The following GBE1 variants were observed in gnomAD, a reference collection of about 807,000 sequenced individuals.
GBE1 encodes 1,4-alpha-glucan branching enzyme 1.
GBE1 carries 70 observed loss-of-function variants against 88.8 expected under a neutral mutation model. The ratio of observed to expected loss-of-function variants is 0.79; its 90% confidence interval spans 0.65 to 0.96. The LOEUF (loss-of-function observed/expected upper bound fraction) is 0.96, where lower values mean the gene tolerates loss of function less well. Ranked by LOEUF, GBE1 falls within the 40% of genes least tolerant of loss-of-function variation. GBE1 has a pLI of 0.00. For synonymous variants in GBE1, 284 were observed against 300.1 expected, an observed-to-expected ratio of 0.95 and a Z score of 0.56; for missense variants, 872 against 871.0, an observed-to-expected ratio of 1.00 and a Z score of -0.01.
chr3:81,520,705 C>A lies in GBE1; in HGVS notation c.1934+14490G>T, dbSNP rs377006534. Among the ~76,000 whole-genome samples the A allele has an allele frequency of 5.3e-5, 8 of 151,442 alleles. No homozygotes were observed. In the East Asian group the frequency reaches 9.7e-4, roughly 18 times the overall value. ...TTCTAAGCATGAAATATGAAACCTG[C>A]CTATTTATTAAGTACATGTAGGTCT... On this transcript the variant is annotated intron_variant, in intron 14 of 15. Transcript: ENST00000429644.
At chr3:81,751,687 T>A (rs1212917216) in intron 1 of GBE1, among the ~76,000 whole-genome samples, 2 of 152,210 alleles carry the variant, frequency 1.3e-5, no homozygotes, top group Non-Finnish European at 2.9e-5. Context: ...CCCAAACCAC[T>A]GACCTTCGCT....
chr3:81,734,975 T>G (rs898047231), intron 1 of GBE1, among the ~76,000 whole-genome samples: 1 of 152,200 alleles, frequency 6.6e-6, no homozygotes, highest in Non-Finnish European at 1.5e-5. Context: ...TCACCTGGGA[T>G]CTGAATCATC....
intron 12 of GBE1, among the ~76,000 whole-genome samples, chr3:81,573,142 A>C (rs1273569025): frequency 1.3e-5 from 2 of 152,236 alleles, no homozygotes; most frequent in Non-Finnish European, 2.9e-5. Context: ...GTTCTAACTG[A>C]AGAGTTAACA....
At chr3:81,527,915 C>T (rs1280189258) in intron 14 of GBE1, among the ~76,000 whole-genome samples, 1 of 151,962 alleles carries the variant, frequency 6.6e-6, no homozygotes, top group Non-Finnish European at 1.5e-5. Context: ...GACACATGCA[C>T]ACGTATGTTT....
Position 81,499,220 on chromosome 3 carries a change from T to C in GBE1, c.1942A>G (p.Ile648Val), listed in dbSNP as rs768079971. ...TCCGCTGCATCTGAATCTAGCACAATTTTGAATGTACAGCTCTTAAGGAAT... is the reference window on the plus strand; with the variant it reads ...TCCGCTGCATCTGAATCTAGCACAACTTTGAATGTACAGCTCTTAAGGAAT... ...VGTALPGKFK[I>V]VLDSDAAEYG... Residue 648 changes from isoleucine (I) to valine (V), a missense_variant, in exon 15 of 16, where the codon ATT becomes GTT. Transcript: ENST00000429644. The C allele has an allele frequency of 6.3e-7, 1 of 1,589,904 alleles. No individual in the cohort carries two copies. The highest frequency in any genetic ancestry group is 8.6e-7 in the Non-Finnish European group (1 of 1,159,972).
intron 14 of GBE1, among the ~76,000 whole-genome samples, chr3:81,501,363 C>A (rs1215334786): frequency 6.6e-6 from 1 of 152,148 alleles, no homozygotes; most frequent in Non-Finnish European, 1.5e-5. Context: ...ATTCCCGGCA[C>A]AGGAAAGACA....
rs150091165 is a variant in GBE1 at position 81,662,893 on chromosome 3, G to T, written c.429+7945C>A. On this transcript the variant is annotated intron_variant, in intron 3 of 15. Coordinates refer to ENST00000429644, the MANE Select transcript of GBE1 (RefSeq NM_000158.4). ...CTCTCTTGCAGCTAGATTTCAACAT[G>T]GTTAATGAACTCATATAAGAAACGG... 1.1e-3 allele frequency among the ~76,000 whole-genome samples: 164 copies of T among 152,204 alleles called. 1 individual carries two copies. The highest frequency in any genetic ancestry group is 2.0e-3 in the Non-Finnish European group (136 of 68,014).
rs111424828 is a variant in GBE1 at position 81,495,464 on chromosome 3, AT to A, written c.2052+3645del. On this transcript the variant is annotated intron_variant, in intron 15 of 15. Transcript: ENST00000429644. ...TAGTCTACATAAACACTTTTTTATAATAAAAATCACAGTTTTTTGAAAAATA... is the reference window on the plus strand; with the variant it reads ...TAGTCTACATAAACACTTTTTTATAAAAAAATCACAGTTTTTTGAAAAATA... 6.0e-3 allele frequency among the ~76,000 whole-genome samples: 907 copies of A among 152,296 alleles called. 10 individuals are homozygous for A. The highest frequency in any genetic ancestry group is 0.02 in the African/African-American group (851 of 41,564).
Position 81,516,502 on chromosome 3 carries a change from G to T in GBE1, c.1935-17275C>A, listed in dbSNP as rs1702800709. Among the ~76,000 whole-genome samples, 3 of 151,614 alleles carry T rather than the reference G, an allele frequency of 2.0e-5. No homozygotes were observed. The South Asian group carries it at 6.2e-4, about 31-fold the overall frequency. On this transcript the variant is annotated intron_variant, in intron 14 of 15. Transcript: ENST00000429644. ...TGAGATGTACAAGGAAATTAATGTT[G>T]TTTTCAAGCCATCTAATACAACATG...
intron 11 of GBE1, among the ~76,000 whole-genome samples, chr3:81,580,206 G>C (rs1219767125): frequency 6.6e-6 from 1 of 152,086 alleles, no homozygotes; most frequent in Non-Finnish European, 1.5e-5. Context: ...ATGTTGATGT[G>C]TATGAGGATT....
At chr3:81,716,346 T>C (rs1705936887) in intron 1 of GBE1, among the ~76,000 whole-genome samples, 1 of 152,166 alleles carries the variant, frequency 6.6e-6, no homozygotes, top group South Asian at 2.1e-4. Context: ...TATTATCTTT[T>C]AAAAGTTGCT....
intron 3 of GBE1, among the ~76,000 whole-genome samples, chr3:81,660,161 T>A (rs1202341304): frequency 6.6e-6 from 1 of 152,208 alleles, no homozygotes; most frequent in African/African-American, 2.4e-5. Context: ...TGCATTTGGA[T>A]AATTTCTTGT....
At chr3:81,619,515 T>A (rs1333956584) in intron 7 of GBE1, among the ~76,000 whole-genome samples, 1 of 152,162 alleles carries the variant, frequency 6.6e-6, no homozygotes, top group African/African-American at 2.4e-5. Flanking sequence ...CACATTTGCA[T>A]TTTAATATAA....
At chr3:81,507,404 A>G (rs1702668966) in intron 14 of GBE1, among the ~76,000 whole-genome samples, 1 of 151,984 alleles carries the variant, frequency 6.6e-6, no homozygotes, top group South Asian at 2.1e-4. Context: ...CTCTACTAAA[A>G]ATACAAAAAA....
chr3:81,590,181 T>A (rs1456646616), intron 9 of GBE1, among the ~76,000 whole-genome samples: 1 of 151,972 alleles, frequency 6.6e-6, no homozygotes, highest in Non-Finnish European at 1.5e-5. Context: ...AAACAGTCTA[T>A]ACAAAAAATA....
chr3:81,514,470 TA>T (rs1702767925), intron 14 of GBE1, among the ~76,000 whole-genome samples: 1 of 151,636 alleles, frequency 6.6e-6, no homozygotes, highest in South Asian at 2.1e-4. Flanking sequence ...AATGCTTATT[TA>T]TAGGAATTAA....
At chr3:81,516,542 T>C (rs569068295) in intron 14 of GBE1, among the ~76,000 whole-genome samples, 1 of 151,722 alleles carries the variant, frequency 6.6e-6, no homozygotes, top group South Asian at 2.1e-4. Context: ...CTGCACCCTA[T>C]GGATCAAGAA....
intron 7 of GBE1, among the ~76,000 whole-genome samples, chr3:81,638,717 A>G (rs2107051042): frequency 1.3e-5 from 2 of 152,286 alleles, no homozygotes; most frequent in South Asian, 4.1e-4. Flanking sequence ...TTGGAAATTT[A>G]TTCATAGCAG....
At chr3:81,497,495 G>C (rs1018305363) in intron 15 of GBE1, among the ~76,000 whole-genome samples, 4 of 152,170 alleles carry the variant, frequency 2.6e-5, no homozygotes, top group Admixed American at 2.6e-4. Context: ...TCATTTTACA[G>C]GTGGGGGAAA....
Sources: allele counts gnomAD v4.1 joint callset (sites outside exome capture counted in the v4.1 genomes callset), GRCh38; gene constraint gnomAD v4.1.1; transcripts MANE v1.5; gene names NCBI Gene and HGNC (gene_info 2026-07-23, HGNC 2026-07-21).